Variants in ATRNL1 observed in about 807,000 individuals in gnomAD.
ATRNL1 encodes attractin like 1.
In ATRNL1, 95 loss-of-function variants were observed where a neutral mutation model predicts 182.7. The observed-to-expected ratio is 0.52, with a 90% CI of 0.44 to 0.62. ATRNL1 has a LOEUF of 0.62. ATRNL1 is among the 20% of genes least tolerant of loss of function. The pLI, the probability that ATRNL1 is intolerant of heterozygous loss-of-function variation, is 0.00. For synonymous variants in ATRNL1, 576 were observed against 568.3 expected, an observed-to-expected ratio of 1.01 and a Z score of -0.19; for missense variants, 1,471 against 1,679.5, an observed-to-expected ratio of 0.88 and a Z score of 2.17.
At chr10:115,374,922 GT>G (rs1857590490) in intron 19 of ATRNL1, among the ~76,000 whole-genome samples, 2 of 151,754 alleles carry the variant, frequency 1.3e-5, no homozygotes, top group South Asian at 4.2e-4. Flanking sequence ...TTCCTTGTGT[GT>G]TTGAGAAGAA....
At chr10:115,380,670 T>C (rs1240935764) in intron 19 of ATRNL1, among the ~76,000 whole-genome samples, 1 of 152,212 alleles carries the variant, frequency 6.6e-6, no homozygotes, top group African/African-American at 2.4e-5. Flanking sequence ...TGTAGTGTAA[T>C]AAAGGTTCAT....
At chr10:115,781,516 A>G (rs967901586) in intron 27 of ATRNL1, among the ~76,000 whole-genome samples, 1 of 152,202 alleles carries the variant, frequency 6.6e-6, no homozygotes, top group Non-Finnish European at 1.5e-5. Context: ...ACTACATGCA[A>G]CCATATGGGT....
intron 19 of ATRNL1, among the ~76,000 whole-genome samples, chr10:115,335,806 C>G (rs1855453751): frequency 6.6e-6 from 1 of 152,074 alleles, no homozygotes; most frequent in Non-Finnish European, 1.5e-5. Context: ...TGGTGCATGG[C>G]AAATATAAAT....
At chr10:115,209,684 T>A (rs1473741778) in intron 8 of ATRNL1, among the ~76,000 whole-genome samples, 1 of 151,744 alleles carries the variant, frequency 6.6e-6, no homozygotes, top group Non-Finnish European at 1.5e-5. Flanking sequence ...TGAAAAAAAA[T>A]TCACGCATAT....
At chr10:115,532,255 C>A (rs1554988510) in intron 25 of ATRNL1, among the ~76,000 whole-genome samples, 1 of 152,126 alleles carries the variant, frequency 6.6e-6, no homozygotes, top group Non-Finnish European at 1.5e-5. Flanking sequence ...TTCTTCCTAC[C>A]CATGAGCATG....
chr10:115,333,739 G>A (rs1004545854), intron 18 of ATRNL1, among the ~76,000 whole-genome samples: 2 of 151,848 alleles, frequency 1.3e-5, no homozygotes, highest in Non-Finnish European at 2.9e-5. Flanking sequence ...TGCCCACCTC[G>A]GCCTCCCAAA....
intron 27 of ATRNL1, among the ~76,000 whole-genome samples, chr10:115,738,154 T>TTTTTTTTTTTTTTTGC (rs71010046): frequency 1.6e-5 from 1 of 63,870 alleles, no homozygotes; most frequent in African/African-American, 4.5e-5. Context: ...TTTTTTTTTT[T>TTTTTTTTTTTTTTTGC]TTGAGATGGA....
intron 19 of ATRNL1, among the ~76,000 whole-genome samples, chr10:115,363,326 G>A (rs1856847435): frequency 6.6e-6 from 1 of 151,380 alleles, no homozygotes; most frequent in Non-Finnish European, 1.5e-5. Context: ...CTTTTGAGAA[G>A]TGTCTGTTCA....
At chr10:115,551,203 T>A (rs537498024) in intron 26 of ATRNL1, among the ~76,000 whole-genome samples, 2 of 151,778 alleles carry the variant, frequency 1.3e-5, no homozygotes, top group South Asian at 4.1e-4. Context: ...ATGAATAGTT[T>A]AGCTATAAAA....
chr10:115,116,808 G>A (rs1199554636), intron 1 of ATRNL1, among the ~76,000 whole-genome samples: 3 of 151,984 alleles, frequency 2.0e-5, no homozygotes, highest in African/African-American at 7.2e-5. Context: ...TGGAGGAAAA[G>A]GTGGGCTCTT....
chr10:115,411,014 G>T (rs957366483), intron 20 of ATRNL1, among the ~76,000 whole-genome samples: 1 of 152,016 alleles, frequency 6.6e-6, no homozygotes, highest in Non-Finnish European at 1.5e-5. Context: ...GGGACTACAG[G>T]CATGAGTCAT....
intron 28 of ATRNL1, among the ~76,000 whole-genome samples, chr10:115,926,980 C>A (rs1237057429): frequency 6.6e-6 from 1 of 152,074 alleles, no homozygotes; most frequent in Admixed American, 6.6e-5. Flanking sequence ...AAAATTTAGG[C>A]CAATATCACT....
At chr10:115,678,618 G>A (rs548906279) in intron 26 of ATRNL1, among the ~76,000 whole-genome samples, 13 of 152,010 alleles carry the variant, frequency 8.6e-5, no homozygotes, top group Non-Finnish European at 1.6e-4. Flanking sequence ...ATGATAATAA[G>A]TATTAACATT....
At chr10:115,769,480 C>T (rs953549234) in intron 27 of ATRNL1, among the ~76,000 whole-genome samples, 13 of 151,972 alleles carry the variant, frequency 8.6e-5, no homozygotes, top group South Asian at 4.2e-4. Context: ...TCATTTCATC[C>T]GTAACATGAA....
At chr10:115,511,380 G>A (rs1001251491) in intron 24 of ATRNL1, among the ~76,000 whole-genome samples, 1 of 151,832 alleles carries the variant, frequency 6.6e-6, no homozygotes, top group Non-Finnish European at 1.5e-5. Flanking sequence ...TTTAAGATAT[G>A]ACTAGTTAAC....
chr10:115,888,702 GA>G (rs2134457334), intron 28 of ATRNL1, among the ~76,000 whole-genome samples: 1 of 152,278 alleles, frequency 6.6e-6, no homozygotes, highest in East Asian at 1.9e-4. Context: ...AAGATAAACA[GA>G]AGTTGAATTT....
intron 24 of ATRNL1, 64 bp downstream of exon 24, chr10:115,469,393 G>C: frequency 9.2e-7 from 1 of 1,090,622 alleles, no homozygotes; most frequent in African/African-American, 1.7e-5. Flanking sequence ...TGGTGCTTTT[G>C]TCCAAAGTGA....
At chr10:115,451,589 T>C (rs1370576725) in intron 21 of ATRNL1, among the ~76,000 whole-genome samples, 1 of 152,096 alleles carries the variant, frequency 6.6e-6, no homozygotes, top group African/African-American at 2.4e-5. Flanking sequence ...AGAATGGATA[T>C]TATTAAAAAG....
chr10:115,712,262 C>A (rs898241706), intron 26 of ATRNL1, among the ~76,000 whole-genome samples: 5 of 152,156 alleles, frequency 3.3e-5, no homozygotes, highest in Non-Finnish European at 5.9e-5. Flanking sequence ...ACTGGCCACA[C>A]AGTGACCAAA....
Sources: allele counts gnomAD v4.1 joint callset (sites outside exome capture counted in the v4.1 genomes callset), GRCh38; gene constraint gnomAD v4.1.1; transcripts MANE v1.5; gene names NCBI Gene and HGNC (gene_info 2026-07-23, HGNC 2026-07-21).